Variants in USP11 observed in about 807,000 individuals in gnomAD.
USP11 encodes the protein ubiquitin carboxyl-terminal hydrolase 11.
A neutral mutation model predicts 72.8 loss-of-function variants in USP11; 5 were observed. That is an observed-to-expected ratio of 0.07 (90% confidence interval 0.04 to 0.14). USP11 has a LOEUF of 0.14. Ranked by LOEUF, USP11 falls within the 10% of genes least tolerant of loss-of-function variation. The pLI is 1.00. For missense variants in USP11, 480 were observed against 794.7 expected (o/e 0.60, Z 4.76); for synonymous variants, 368 against 326.5 (o/e 1.13, Z -1.37).
chrX:47,233,278 CTGGGGATTCGGCGGCCGA>C, intron 1 of USP11, 59 bp downstream of exon 1: 1 of 871,942 alleles, frequency 1.1e-6, no homozygotes, highest in Non-Finnish European at 1.4e-6. Flanking sequence ...TTGACAACCG[CTGGGGATTCGGCGGCCGA>C]GGGCCGCGGG....
intron 19 of USP11, 69 bp from the exon 20 acceptor site, chrX:47,247,542 A>T: frequency 8.6e-7 from 1 of 1,161,600 alleles, no homozygotes; most frequent in Non-Finnish European, 1.2e-6. Context: ...GGGAGGAGTG[A>T]CAAGAGTGAA....
chrX:47,240,499 C>T (rs1239969119), intron 5 of USP11, 49 bp downstream of exon 5: 1 of 1,207,567 alleles, frequency 8.3e-7, no homozygotes, highest in East Asian at 3.0e-5. Flanking sequence ...CAGATAGACT[C>T]ACCTGGCAGT....
At chrX:47,243,234 G>A (rs891837897) in intron 12 of USP11, among the ~76,000 whole-genome samples, 162 bp from the exon 13 acceptor site, 1 of 112,515 alleles carries the variant, frequency 8.9e-6, no homozygotes, top group African/African-American at 3.2e-5. Flanking sequence ...CTGCACTGCA[G>A]CCTGGGCAAC....
chrX:47,235,931 C>T (rs1247989307), intron 1 of USP11, among the ~76,000 whole-genome samples: 1 of 111,870 alleles, frequency 8.9e-6, no homozygotes, highest in Non-Finnish European at 1.9e-5. Flanking sequence ...GGCTTTGATC[C>T]TTGCCTCTTC....
rs1018918817 is a variant in USP11 at position 47,237,848 on chromosome X, G to A, written c.177-1222G>A. ...TGTGTTTAGGCAGGAGGAGGTTTATGTCTGTGAGCTTTTATGTCCAAGTCC... is the reference window on the plus strand; with the variant it reads ...TGTGTTTAGGCAGGAGGAGGTTTATATCTGTGAGCTTTTATGTCCAAGTCC... On this transcript the variant is annotated intron_variant, in intron 1 of 20. Coordinates refer to ENST00000377107, the MANE Select transcript of USP11 (RefSeq NM_001371072.1). Among the ~76,000 whole-genome samples the A allele has an allele frequency of 7.4e-5, 8 of 108,342 alleles. No individual in the cohort carries two copies. The Admixed American group carries it at 8.0e-4, about 11-fold the overall frequency. The allele number at this position is 108,342 out of a possible 115,157, so 94.1% of individuals were successfully genotyped here.
chrX:47,247,920 A>T lies in USP11; in HGVS notation c.2753A>T (p.Asp918Val). 8.5e-7 allele frequency: 1 copy of T among 1,176,553 alleles called. No individual in the cohort carries two copies. The highest frequency in any genetic ancestry group is 1.1e-6 in the Non-Finnish European group (1 of 882,907). The change falls in exon 21 of 21, where the codon GAT becomes GTT. Residue 918 changes from aspartate (D) to valine (V), a missense_variant. By Grantham distance (152) the Asp-to-Val change is radical. This residue lies in a region of USP11 where 314 missense variants were observed against 556.0 expected (regional missense o/e 0.56). Coordinates refer to ENST00000377107, the MANE Select transcript of USP11 (RefSeq NM_001371072.1). ...CSSPPSSEFM[D>V]VN ...TCCCCACCCAGCTCTGAGTTCATGG[A>T]TGTTAATTGAGAGCCCTGGGTCCTG...
At chrX:47,240,477 C>G in intron 5 of USP11, 27 bp downstream of exon 5, 3 of 1,210,995 alleles carry the variant, frequency 2.5e-6, no homozygotes, top group Non-Finnish European at 3.4e-6. Context: ...CTTTTCTGTT[C>G]AGGTGGACTG....
At chrX:47,238,157 A>AAAAATG (rs1330607829) in intron 1 of USP11, among the ~76,000 whole-genome samples, 1 of 110,736 alleles carries the variant, frequency 9.0e-6, no homozygotes, top group Non-Finnish European at 1.9e-5. Flanking sequence ...TTCTAAATTA[A>AAAAATG]AAAATGATGA....
At position 47,244,362 on chromosome X, in the gene USP11, A is replaced by G. The variant is rs907492726; in HGVS notation, c.1791-136A>G. ...TCATGCATTTACGCGTCACCCCTTC[A>G]GCCCTCTCACACCTCAGATTCAGAA... On this transcript the variant is annotated intron_variant, in intron 13 of 20. Coordinates refer to ENST00000377107, the MANE Select transcript of USP11 (RefSeq NM_001371072.1). 19 of 676,586 alleles carry G rather than the reference A, an allele frequency of 2.8e-5. No individual in the cohort carries two copies. The African/African-American group carries it at 4.2e-4, about 15-fold the overall frequency. The allele number at this position is 676,586 out of a possible 1,213,427, so 55.8% of individuals were successfully genotyped here.
chrX:47,233,839 G>C, intron 1 of USP11: 1 of 86,687 alleles, frequency 1.2e-5, no homozygotes, highest in Non-Finnish European at 2.7e-5. Context: ...TGGCGCCTGC[G>C]AATAAGCAAA....
rs761088134 is a variant in USP11, at chrX:47,247,135, G to A, written c.2334G>A (p.Pro778=). The A allele has an allele frequency of 1.1e-5, 13 of 1,209,389 alleles. No homozygotes were observed. The highest frequency in any genetic ancestry group is 1.1e-4 in the African/African-American group (6 of 56,977). ...AGAAGCTGGACCTGTGGATGCTGCC[G>A]GAGATTCTCATCATCCACCTGAAAC... is the stretch of plus-strand genomic sequence containing the variant. ...ATKKLDLWML[P]EILIIHLKRF... is the part of the protein sequence containing the mutation. The change falls in exon 18 of 21, where the codon CCG becomes CCA. Residue 778 remains proline (P), a synonymous_variant. Coordinates refer to ENST00000377107, the MANE Select transcript of USP11 (RefSeq NM_001371072.1).
In USP11 at chrX:47,239,342, G is replaced by A. The variant is rs774149365; in HGVS notation, c.287-9G>A. On this transcript the variant is annotated splice_polypyrimidine_tract_variant and intron_variant, in intron 2 of 20. Transcript: ENST00000377107. ...TTCTTCCTCTGCCACCTCCACCCCCGCCCCACAGATGAGATAAACTGGCGC... is the reference window on the plus strand; with the variant it reads ...TTCTTCCTCTGCCACCTCCACCCCCACCCCACAGATGAGATAAACTGGCGC... 4 of 1,208,792 alleles carry A rather than the reference G, an allele frequency of 3.3e-6. No homozygotes were observed. The highest frequency in any genetic ancestry group is 5.9e-5 in the East Asian group (2 of 33,777).
At chrX:47,244,622 G>T in intron 14 of USP11, 60 bp from the exon 15 acceptor site, 1 of 1,205,967 alleles carries the variant, frequency 8.3e-7, no homozygotes, top group South Asian at 1.8e-5. Context: ...GTCTAGGTGT[G>T]CATTGCAGCT....
chrX:47,239,652 G>A, intron 3 of USP11, 138 bp from the exon 4 acceptor site: 2 of 969,313 alleles, frequency 2.1e-6, no homozygotes, highest in East Asian at 3.1e-5. Context: ...TCCCCTGTGT[G>A]GCTCTCTTTA....
chrX:47,234,928 A>T (rs934010863), intron 1 of USP11, among the ~76,000 whole-genome samples: 2 of 112,640 alleles, frequency 1.8e-5, no homozygotes, highest in Non-Finnish European at 3.7e-5. Context: ...CGATTGAGCA[A>T]ATGAGTAAAA....
Position 47,239,148 on chromosome X carries a change from T to C in USP11, c.255T>C (p.Pro85=), listed in dbSNP as rs958380912. 8.3e-7 allele frequency: 1 copy of C among 1,207,583 alleles called. No individual in the cohort carries two copies. Among genetic ancestry groups the C allele is most frequent in the African/African-American group, 1.8e-5 (1 of 56,894 alleles). ...QGGDQDSSTF[P]GCINNATLFQ... ...GGGACCAGGACTCCAGCACCTTCCC[T>C]GGCTGCATCAACAATGCCACACTCT... The change falls in exon 2 of 21, where the codon CCT becomes CCC. Residue 85 remains proline, a synonymous_variant. Coordinates refer to ENST00000377107, the MANE Select transcript of USP11 (RefSeq NM_001371072.1).
chrX:47,240,119 G>A (rs1569235124), intron 4 of USP11, among the ~76,000 whole-genome samples, 186 bp from the exon 5 acceptor site: 1 of 111,896 alleles, frequency 8.9e-6, no homozygotes, highest in Non-Finnish European at 1.9e-5. Flanking sequence ...TGGCTTACGT[G>A]GTGTGGCAGA....
At chrX:47,245,603 G>A (rs890917199) in intron 17 of USP11, 121 bp downstream of exon 17, 1 of 455,823 alleles carries the variant, frequency 2.2e-6, no homozygotes, top group African/African-American at 2.6e-5. Flanking sequence ...GAAGTGCAGT[G>A]GTACAATCTC....
chrX:47,240,165 G>C (rs1324255617), intron 4 of USP11, 140 bp from the exon 5 acceptor site: 1 of 880,688 alleles, frequency 1.1e-6, no homozygotes, highest in African/African-American at 2.0e-5. Flanking sequence ...TGGAGTGTGG[G>C]CCAGTCATTT....
Sources: allele counts gnomAD v4.1 joint callset (sites outside exome capture counted in the v4.1 genomes callset), GRCh38; gene constraint gnomAD v4.1.1; regional missense constraint gnomAD v4.1.1; transcripts MANE v1.5; gene names NCBI Gene and HGNC (gene_info 2026-07-23, HGNC 2026-07-21).